Variants in DOP1B observed in about 807,000 individuals in gnomAD.
The protein encoded by DOP1B is DOP1 leucine zipper like protein B.
DOP1B carries 174 observed loss-of-function variants against 233.5 expected under a neutral mutation model. That is an observed-to-expected ratio of 0.75 (90% CI 0.66 to 0.85). The LOEUF is 0.85. Among genes scored for constraint, DOP1B ranks in the 40% least tolerant of loss-of-function variants. DOP1B has a pLI of 0.00. For synonymous variants in DOP1B, 1,190 were observed against 1,185.6 expected, an observed-to-expected ratio of 1.00 and a Z score of -0.08; for missense variants, 2,652 against 2,846.6, an observed-to-expected ratio of 0.93 and a Z score of 1.56.
intron 23 of DOP1B, among the ~76,000 whole-genome samples, chr21:36,257,596 TGATAGATAGATAGATAGATAGATAGATA>T (rs34032773): frequency 1.3e-5 from 2 of 150,082 alleles, no homozygotes; most frequent in Admixed American, 6.6e-5. Context: ...CGTAGATAGA[TGATAGATAGATAGATAGATAGATAGATA>T]GATAGATAGA....
At chr21:36,249,911 A>T (rs2067013629) in intron 21 of DOP1B, among the ~76,000 whole-genome samples, 1 of 152,118 alleles carries the variant, frequency 6.6e-6, no homozygotes. Flanking sequence ...TCCTATAAGA[A>T]CCTGCTCTTA....
intron 15 of DOP1B, among the ~76,000 whole-genome samples, chr21:36,233,886 C>G (rs2066795624): frequency 6.6e-6 from 1 of 152,104 alleles, no homozygotes; most frequent in Admixed American, 6.6e-5. Context: ...CGGAGTCCCG[C>G]TCTGTCACCC....
intron 2 of DOP1B, among the ~76,000 whole-genome samples, chr21:36,177,866 C>T (rs546314667): frequency 6.6e-6 from 1 of 152,302 alleles, no homozygotes; most frequent in African/African-American, 2.4e-5. Context: ...ATAAATGACC[C>T]AGTTTCAGGT....
chr21:36,210,058 C>G (rs1234638260), intron 5 of DOP1B, among the ~76,000 whole-genome samples: 1 of 152,028 alleles, frequency 6.6e-6, no homozygotes, highest in Admixed American at 6.6e-5. Context: ...CGTCAGTATC[C>G]CCTTTGTCTC....
rs1268886650 is a variant in DOP1B at position 36,245,921 on chromosome 21, T to C, written c.3941T>C (p.Leu1314Pro). ...NVCPHSLLLE[L>P]LTYLCLSFLR... is the part of the protein sequence containing the mutation. ...TGCCCCCACTCTCTGCTCCTGGAGC[T>C]GCTCACCTACCTCTGCCTGAGCTTC... The change falls in exon 19 of 37, where the codon CTG becomes CCG. Residue 1314 changes from leucine (L) to proline (P), a missense_variant. Leu to Pro is a moderately conservative substitution (Grantham distance 98). Around this residue, in one of 3 missense-constraint regions of DOP1B, gnomAD observed 2,617 missense variants for 2,794.3 expected, o/e 0.94. Transcript: ENST00000691173. The surrounding 1 kb of genome is among the most constrained non-coding windows in gnomAD (Gnocchi z 5.5). The C allele has an allele frequency of 6.2e-7, 1 of 1,613,786 alleles. No individual in the cohort carries two copies. The highest frequency in any genetic ancestry group is 1.7e-5 in the Admixed American group (1 of 59,982).
At chr21:36,262,334 G>A (rs1456368298) in intron 24 of DOP1B, among the ~76,000 whole-genome samples, 1 of 152,160 alleles carries the variant, frequency 6.6e-6, no homozygotes, top group Non-Finnish European at 1.5e-5. Flanking sequence ...AGGAGAAACC[G>A]CCTAGGTCAC....
intron 23 of DOP1B, among the ~76,000 whole-genome samples, chr21:36,259,129 C>A (rs1402591979): frequency 6.6e-6 from 1 of 151,900 alleles, no homozygotes; most frequent in Non-Finnish European, 1.5e-5. Flanking sequence ...CCACGCCCGG[C>A]TAATTTTTTG....
chr21:36,199,043 A>G, intron 2 of DOP1B, 27 bp from the exon 3 acceptor site: 1 of 1,600,222 alleles, frequency 6.2e-7, no homozygotes, highest in East Asian at 2.2e-5. Flanking sequence ...CTTCTTCCTC[A>G]TGTGTTTTTT....
intron 27 of DOP1B, among the ~76,000 whole-genome samples, chr21:36,274,507 C>T (rs1448426845): frequency 6.6e-6 from 1 of 152,064 alleles, no homozygotes; most frequent in Non-Finnish European, 1.5e-5. Flanking sequence ...GAGAAGGACC[C>T]AGCAAAGATG....
At chr21:36,203,368 A>G (rs571719512) in intron 4 of DOP1B, among the ~76,000 whole-genome samples, 2 of 152,294 alleles carry the variant, frequency 1.3e-5, no homozygotes, top group Admixed American at 1.3e-4. Flanking sequence ...TTTGGTTGCT[A>G]TATCCATTTC....
At chr21:36,158,162 G>A (rs1009896424) in intron 1 of DOP1B, among the ~76,000 whole-genome samples, 4 of 151,982 alleles carry the variant, frequency 2.6e-5, no homozygotes, top group African/African-American at 4.8e-5. Context: ...TGACATTTTC[G>A]ATTTTAAGGT....
Position 36,214,443 on chromosome 21 carries a change from G to T in DOP1B, c.1016G>T (p.Gly339Val). The change falls in exon 9 of 37, where the codon GGT (glycine) becomes GTT (valine). Residue 339 changes from glycine to valine, a missense_variant and splice_region_variant. By Grantham distance (109) the Gly-to-Val change is moderately radical. Coordinates refer to ENST00000691173, the MANE Select transcript of DOP1B (RefSeq NM_001320714.2). ...EKYSKDLLVE[G>V]LAEILHQKFI... ...TATGTGGCTTTTTTTAAATAATAGG[G>T]TTTGGCTGAGATATTGCATCAGAAG... 1 of 1,610,760 alleles carries T rather than the reference G, an allele frequency of 6.2e-7. No homozygotes were observed. Among genetic ancestry groups the T allele is most frequent in the Admixed American group, 1.7e-5 (1 of 58,662 alleles).
At chr21:36,194,555 C>A (rs765298083) in intron 2 of DOP1B, among the ~76,000 whole-genome samples, 2 of 147,030 alleles carry the variant, frequency 1.4e-5, no homozygotes, top group African/African-American at 5.0e-5. Context: ...GGCACAATCT[C>A]GACTCTCTCC....
In DOP1B at chr21:36,253,899, G is replaced by C. The variant is rs959431681; in HGVS notation, c.5249G>C (p.Gly1750Ala). Residue 1750 changes from glycine (G) to alanine (A), a missense_variant, in exon 23 of 37, where the codon GGG (glycine) becomes GCG (alanine). Gly to Ala is a moderately conservative substitution (Grantham distance 60). Transcript: ENST00000691173. Reference sequence around the variant, plus strand: ...GTGAAGAGGCCACCCCAAGTCAAAGGGGGTGATGAGGTGAGGAGCCTGGGG... The same window carrying C: ...GTGAAGAGGCCACCCCAAGTCAAAGCGGGTGATGAGGTGAGGAGCCTGGGG... ...EVVKRPPQVK[G>A]GDEKSPLVDI... 3.1e-6 allele frequency: 5 copies of C among 1,613,772 alleles called. No homozygotes were observed. The highest frequency in any genetic ancestry group is 1.3e-5 in the African/African-American group (1 of 74,918).
At chr21:36,212,864 C>T (rs529608532) in intron 7 of DOP1B, among the ~76,000 whole-genome samples, 2 of 152,326 alleles carry the variant, frequency 1.3e-5, no homozygotes, top group East Asian at 3.9e-4. Context: ...TCACTACAAC[C>T]TCGGCCTCCC....
rs1260120504 is a variant in DOP1B, at chr21:36,253,636, TC to T, written c.5122-135del. 23 of 743,434 alleles carry T rather than the reference TC, an allele frequency of 3.1e-5. No individual in the cohort carries two copies. The East Asian group carries it at 5.4e-4, about 17-fold the overall frequency. 46.1% of individuals were successfully genotyped at this position (743,434 alleles called of 1,614,324 possible). On this transcript the variant is annotated intron_variant, in intron 22 of 36. Coordinates refer to ENST00000691173, the MANE Select transcript of DOP1B (RefSeq NM_001320714.2). ...CTGGGTGACAGAGTGAGACCGTGTT[TC>T]AAAAAAAAAAAAAAAGAGATGAAAA...
chr21:36,182,403 C>T (rs1046214898), intron 2 of DOP1B, among the ~76,000 whole-genome samples: 3 of 152,120 alleles, frequency 2.0e-5, no homozygotes, highest in African/African-American at 4.8e-5. Context: ...GGATTAATTT[C>T]GAGGTGGGCA....
intron 2 of DOP1B, among the ~76,000 whole-genome samples, chr21:36,189,634 C>T (rs766379569): frequency 2.3e-4 from 35 of 151,732 alleles, no homozygotes; most frequent in African/African-American, 7.8e-4. Flanking sequence ...CGCTAGAACC[C>T]GGGAGGTGGA....
chr21:36,273,383 G>A (rs564916439), intron 27 of DOP1B, among the ~76,000 whole-genome samples: 1 of 152,014 alleles, frequency 6.6e-6, no homozygotes, highest in Admixed American at 6.6e-5. Flanking sequence ...CTCCAGTCTG[G>A]GCAACAGAGG....
Sources: gnomAD v4.1 joint callset for allele counts (sites outside exome capture counted in the v4.1 genomes callset) on GRCh38, gnomAD v4.1.1 for gene constraint, gnomAD v4.1.1 regional missense constraint, Gnocchi (gnomAD v3.1) non-coding constraint, MANE v1.5 for transcripts, NCBI Gene and HGNC (gene_info 2026-07-23, HGNC 2026-07-21) for gene names.